The following IQGAP3 variants were observed in gnomAD, a reference collection of about 807,000 sequenced individuals.
The protein encoded by IQGAP3 is ras GTPase-activating-like protein IQGAP3.
IQGAP3 carries 165 observed loss-of-function variants against 208.2 expected under a neutral mutation model. The ratio of observed to expected loss-of-function variants is 0.79; its 90% CI spans 0.70 to 0.90. The LOEUF (loss-of-function observed/expected upper bound fraction) is 0.90, where lower values mean the gene tolerates loss of function less well. Among genes scored for constraint, IQGAP3 ranks in the 40% least tolerant of loss-of-function variants. The probability of loss-of-function intolerance (pLI) is 0.00; values close to 1 mark genes in which losing one functional copy is unlikely to be tolerated. For synonymous variants in IQGAP3, 703 were observed against 803.6 expected (o/e 0.87, Z 2.12); for missense variants, 1,811 against 2,043.1 (o/e 0.89, Z 2.19).
rs142145743 is a variant in IQGAP3, at chr1:156,560,670, T to G, written c.1129+264A>C. Among the ~76,000 whole-genome samples the G allele has an allele frequency of 4.1e-3, 632 of 152,318 alleles. 1 individual carries two copies. The highest frequency in any genetic ancestry group is 0.015 in the African/African-American group (608 of 41,564). ...GAAACTGTCAAAATTACAGGCAAAC[T>G]GCCTGGAAGAAAACTGCCTGCCCCA... On this transcript the variant is annotated intron_variant, in intron 11 of 37. Transcript: ENST00000361170.
intron 13 of IQGAP3, among the ~76,000 whole-genome samples, chr1:156,552,969 G>C (rs1243069748): frequency 2.0e-5 from 3 of 152,210 alleles, no homozygotes; most frequent in Non-Finnish European, 4.4e-5. Context: ...AGCTACTTGG[G>C]AGGCTGAGTT....
At chr1:156,554,699 C>T (rs1175344524) in intron 12 of IQGAP3, among the ~76,000 whole-genome samples, 5 of 152,198 alleles carry the variant, frequency 3.3e-5, no homozygotes, top group African/African-American at 1.2e-4. Flanking sequence ...AACTAGCTGT[C>T]TGATTTCAAA....
At chr1:156,542,451 A>G (rs953627761) in intron 22 of IQGAP3, among the ~76,000 whole-genome samples, 1 of 152,110 alleles carries the variant, frequency 6.6e-6, no homozygotes, top group African/African-American at 2.4e-5. Context: ...CAGCCTCCCA[A>G]AGTGCTGGGA....
intron 5 of IQGAP3, 140 bp from the exon 6 acceptor site, chr1:156,563,964 A>T: frequency 1.5e-6 from 1 of 647,100 alleles, no homozygotes; most frequent in Non-Finnish European, 2.7e-6. Flanking sequence ...TCCCCAACCC[A>T]CATAAAGAAA....
Position 156,569,416 on chromosome 1 carries a change from C to A in IQGAP3, c.85G>T (p.Val29Phe). The change falls in exon 2 of 38, where the codon GTT (valine) becomes TTT (phenylalanine). Residue 29 changes from valine to phenylalanine, a missense_variant. Coordinates refer to ENST00000361170, the MANE Select transcript of IQGAP3 (RefSeq NM_178229.5). ...EEMDEQRRQN[V>F]AYQYLCRLEE... is the part of the protein sequence containing the mutation. ...AGCCGGCACAGGTACTGATAGGCAA[C>A]ATTCTGCCGCCTCTGCTCATCCATC... The A allele has an allele frequency of 6.2e-7, 1 of 1,611,400 alleles. No homozygotes were observed. The highest frequency in any genetic ancestry group is 1.3e-5 in the African/African-American group (1 of 74,852).
In IQGAP3 at chr1:156,526,671, A is replaced by G. The variant is rs1321962191; in HGVS notation, c.4783-72T>C. 35 of 1,031,038 alleles carry G rather than the reference A, an allele frequency of 3.4e-5. 1 individual carries two copies. In the South Asian group the frequency reaches 3.7e-4, roughly 11 times the overall value. The allele number at this position is 1,031,038 out of a possible 1,614,324, so 63.9% of individuals were successfully genotyped here. On this transcript the variant is annotated intron_variant, in intron 37 of 37. Transcript: ENST00000361170. Reference sequence around the variant, plus strand: ...GGTCCAGTCAGATGGTGTACAAAACACTCACATCATGGGGCCTTCTGCAGT... The same window carrying G: ...GGTCCAGTCAGATGGTGTACAAAACGCTCACATCATGGGGCCTTCTGCAGT...
At chr1:156,563,029 A>G in intron 8 of IQGAP3, 105 bp downstream of exon 8, 3 of 950,430 alleles carry the variant, frequency 3.2e-6, no homozygotes, top group Non-Finnish European at 1.6e-6. Flanking sequence ...TTCTCTAAGA[A>G]GCAATTTTGG....
rs1202849828 is a variant in IQGAP3 at position 156,548,107 on chromosome 1, A to G, written c.2270T>C (p.Leu757Pro). Residue 757 changes from leucine (L) to proline (P), a missense_variant, in exon 19 of 38, where the codon CTG becomes CCG. Leu to Pro is a moderately conservative substitution (Grantham distance 98, BLOSUM62 -3). Coordinates refer to ENST00000361170, the MANE Select transcript of IQGAP3 (RefSeq NM_178229.5). The part of the protein sequence containing the change: ...RQKFAEHSHF[L>P]RTWLPAVIKI... ...GATGACTGCTGGGAGCCAGGTCCTC[A>G]GAAAGTGGGAATGCTCAGCAAACTT... The G allele has an allele frequency of 4.3e-6, 7 of 1,613,760 alleles. No homozygotes were observed. In the East Asian group the frequency reaches 1.1e-4, roughly 26 times the overall value.
At chr1:156,535,727 C>T (rs1331922163) in intron 27 of IQGAP3, among the ~76,000 whole-genome samples, 2 of 152,184 alleles carry the variant, frequency 1.3e-5, no homozygotes, top group East Asian at 3.8e-4. Context: ...CTAGTCTGGG[C>T]TAGAGGTAGG....
Position 156,552,007 on chromosome 1 carries a change from G to A in IQGAP3, c.1537C>T (p.Gln513Ter), listed in dbSNP as rs1223460402. ...SWNDLQATVS[Q>*]VNAQTQEETD... ...TCTTCCTGGGTCTGTGCATTGACCT[G>A]GCTCACGGTGGCCTGCAGGTCATTC... The change falls in exon 14 of 38, where the codon CAG becomes TAG. Residue 513 changes from glutamine (Q) to a stop codon, truncating the protein, a stop_gained. Transcript: ENST00000361170. LOFTEE classifies it high-confidence loss of function. 11 of 1,614,180 alleles carry A rather than the reference G, an allele frequency of 6.8e-6. No individual in the cohort carries two copies. Among genetic ancestry groups the A allele is most frequent in the Non-Finnish European group, 9.3e-6 (11 of 1,180,022 alleles).
At chr1:156,533,976 C>A in intron 30 of IQGAP3, 33 bp downstream of exon 30, 1 of 1,611,564 alleles carries the variant, frequency 6.2e-7, no homozygotes, top group Non-Finnish European at 8.5e-7. Flanking sequence ...CCTTGCCCAC[C>A]CAGCCAACAC....
chr1:156,530,896 C>G (rs1038504446), intron 33 of IQGAP3, among the ~76,000 whole-genome samples: 1 of 152,150 alleles, frequency 6.6e-6, no homozygotes, highest in Non-Finnish European at 1.5e-5. Context: ...TCTCAGTGCC[C>G]CCCATAGCCC....
At chr1:156,556,847 G>A (rs984056891) in intron 11 of IQGAP3, among the ~76,000 whole-genome samples, 154 bp from the exon 12 acceptor site, 1 of 152,248 alleles carries the variant, frequency 6.6e-6, no homozygotes, top group Non-Finnish European at 1.5e-5. Flanking sequence ...ATTTCTAAGT[G>A]TTCAGGAAGA....
At chr1:156,557,542 C>T (rs1182386735) in intron 11 of IQGAP3, among the ~76,000 whole-genome samples, 2 of 79,584 alleles carry the variant, frequency 2.5e-5, no homozygotes, top group African/African-American at 3.9e-5. Context: ...CCCGGCCAGC[C>T]GCCCCGTCCG....
At chr1:156,571,857 C>T (rs61813502) in intron 1 of IQGAP3, among the ~76,000 whole-genome samples, 3,076 of 152,204 alleles carry the variant, frequency 0.02, 47 homozygotes, top group Middle Eastern at 0.048. Context: ...CCCACCCATC[C>T]TTCCAGCTCC....
chr1:156,570,089 C>A (rs573973344), intron 1 of IQGAP3, among the ~76,000 whole-genome samples: 1 of 152,222 alleles, frequency 6.6e-6, no homozygotes, highest in African/African-American at 2.4e-5. Flanking sequence ...CCTAATTAGA[C>A]TGAGTTCTCC....
chr1:156,545,926 C>A (rs1473589973), intron 19 of IQGAP3, among the ~76,000 whole-genome samples: 2 of 152,122 alleles, frequency 1.3e-5, no homozygotes, highest in Non-Finnish European at 2.9e-5. Flanking sequence ...TGCCCTTAGC[C>A]CTTCCTAAAG....
chr1:156,538,084 A>C (rs942837730), intron 26 of IQGAP3, among the ~76,000 whole-genome samples: 4 of 151,772 alleles, frequency 2.6e-5, no homozygotes, highest in Non-Finnish European at 5.9e-5. Context: ...TTTTTGAGAC[A>C]GAGTCTCGCT....
At chr1:156,533,223 C>G in intron 31 of IQGAP3, 117 bp from the exon 32 acceptor site, 5 of 1,350,430 alleles carry the variant, frequency 3.7e-6, no homozygotes, top group Non-Finnish European at 5.1e-6. Context: ...TCCACATGCC[C>G]CTCTTCCAGG....
Sources: gnomAD v4.1 joint callset for allele counts (sites outside exome capture counted in the v4.1 genomes callset) on GRCh38, gnomAD v4.1.1 for gene constraint, MANE v1.5 for transcripts, NCBI Gene and HGNC (gene_info 2026-07-23, HGNC 2026-07-21) for gene names.